The following MPHOSPH6 variants were observed in gnomAD, a reference collection of about 807,000 sequenced individuals.
The protein encoded by MPHOSPH6 is M-phase phosphoprotein 6.
Under a neutral mutation model 21.8 loss-of-function variants are expected in MPHOSPH6, and 25 were observed. That is an observed-to-expected ratio of 1.15 (90% CI 0.83 to 1.60). The LOEUF (loss-of-function observed/expected upper bound fraction) is 1.60. MPHOSPH6 is among the 40% of genes most tolerant of loss of function. The probability of loss-of-function intolerance (pLI) is 0.00; values close to 1 mark genes in which losing one functional copy is unlikely to be tolerated. For missense variants in MPHOSPH6, 269 were observed against 181.8 expected (o/e 1.48, Z -2.76); for synonymous variants, 84 against 56.5 (o/e 1.49, Z -2.18).
intron 1 of MPHOSPH6, 78 bp from the exon 2 acceptor site, chr16:82,164,272 CT>C (rs1334885423): frequency 1.1e-6 from 1 of 912,892 alleles, no homozygotes; most frequent in Non-Finnish European, 1.7e-6. Flanking sequence ...TTTTCTTCTT[CT>C]ACTTGTTCTC....
chr16:82,161,654 C>T (rs1321853113), intron 2 of MPHOSPH6, among the ~76,000 whole-genome samples: 1 of 152,166 alleles, frequency 6.6e-6, no homozygotes, highest in Non-Finnish European at 1.5e-5. Flanking sequence ...AGCAGATGCC[C>T]TTCTAGGAAA....
chr16:82,152,621 C>T (rs768937463), intron 2 of MPHOSPH6, among the ~76,000 whole-genome samples: 3 of 152,138 alleles, frequency 2.0e-5, no homozygotes, highest in African/African-American at 7.2e-5. Context: ...TGCACCAGAA[C>T]CAAAATCATG....
chr16:82,154,888 T>C (rs2142407873), intron 2 of MPHOSPH6, among the ~76,000 whole-genome samples: 1 of 152,316 alleles, frequency 6.6e-6, no homozygotes, highest in East Asian at 1.9e-4. Flanking sequence ...TTCCAACTCA[T>C]TTTATGGCCA....
At chr16:82,151,238 C>G (rs1906254387) in intron 3 of MPHOSPH6, 186 bp downstream of exon 3, 1 of 727,250 alleles carries the variant, frequency 1.4e-6, no homozygotes, top group Non-Finnish European at 2.2e-6. Context: ...ATCTACTCAC[C>G]TCTACCATAA....
intron 2 of MPHOSPH6, among the ~76,000 whole-genome samples, chr16:82,156,196 ATG>A (rs1394938733): frequency 2.0e-5 from 3 of 152,074 alleles, no homozygotes; most frequent in Admixed American, 6.5e-5. Context: ...CTATATATAT[ATG>A]TGGCAAAGAA....
intron 2 of MPHOSPH6, among the ~76,000 whole-genome samples, chr16:82,159,261 C>T (rs1906530283): frequency 6.6e-6 from 1 of 152,132 alleles, no homozygotes; most frequent in Admixed American, 6.5e-5. Flanking sequence ...TGCCACTCTT[C>T]TCGTTAAATT....
intron 2 of MPHOSPH6, among the ~76,000 whole-genome samples, chr16:82,151,762 T>A (rs1421940952): frequency 6.6e-6 from 1 of 152,242 alleles, no homozygotes; most frequent in Non-Finnish European, 1.5e-5. Context: ...CATAAATATC[T>A]ACATAATATA....
chr16:82,167,640 T>G (rs1190658034), intron 1 of MPHOSPH6: 1 of 156,296 alleles, frequency 6.4e-6, no homozygotes, highest in African/African-American at 2.4e-5. Context: ...AGGCATTAGA[T>G]TCTCGTAAGT....
At position 82,149,383 on chromosome 16, in the gene MPHOSPH6, A is replaced by T. The variant is rs777050308; in HGVS notation, c.276T>A (p.Asn92Lys). The T allele has an allele frequency of 6.2e-7, 1 of 1,612,428 alleles. No individual in the cohort carries two copies. The highest frequency in any genetic ancestry group is 1.3e-5 in the African/African-American group (1 of 74,948). The change falls in exon 4 of 5, where the codon AAT becomes AAA. Residue 92 changes from asparagine (N) to lysine (K), a missense_variant. Coordinates refer to ENST00000258169, the MANE Select transcript of MPHOSPH6 (RefSeq NM_005792.2). ...CAACTTCTTCTGCTTTGTGCTTAGC[A>T]TTCATCTGAAGCATCAATTTCTGAA... ...PEVEKLMLQM[N>K]AKHKAEEVED...
chr16:82,168,410 T>A lies in MPHOSPH6; in HGVS notation c.51+1715A>T, dbSNP rs78180079. ...TCCTCCACCCTCATTCACCCATTCA[T>A]CCCTAACTCCATCCTAGCTCAACTC... On this transcript the variant is annotated intron_variant, in intron 1 of 4. Transcript: ENST00000258169. Among the ~76,000 whole-genome samples the A allele has an allele frequency of 3.9e-3, 591 of 151,704 alleles. 5 individuals are homozygous for A. The highest frequency in any genetic ancestry group is 0.013 in the African/African-American group (554 of 41,334).
chr16:82,154,427 T>C (rs994312755), intron 2 of MPHOSPH6, among the ~76,000 whole-genome samples: 1 of 151,936 alleles, frequency 6.6e-6, no homozygotes, highest in Middle Eastern at 3.4e-3. Context: ...CAGCACACAA[T>C]AAAAAATTCC....
intron 2 of MPHOSPH6, among the ~76,000 whole-genome samples, chr16:82,162,783 T>A (rs1597164140): frequency 6.6e-6 from 1 of 152,174 alleles, no homozygotes; most frequent in East Asian, 1.9e-4. Flanking sequence ...GGATGCTGAG[T>A]AATGGCAAAA....
At chr16:82,169,979 G>C in intron 1 of MPHOSPH6, 146 bp downstream of exon 1, 1 of 928,086 alleles carries the variant, frequency 1.1e-6, no homozygotes. Flanking sequence ...TGCAGAGCAG[G>C]CGCTAAGTGA....
intron 3 of MPHOSPH6, among the ~76,000 whole-genome samples, chr16:82,149,998 T>C (rs1195769930): frequency 6.6e-6 from 1 of 150,580 alleles, no homozygotes; most frequent in East Asian, 2.0e-4. Context: ...CTTTTTGTGA[T>C]AATTATCCTC....
At chr16:82,167,007 T>C (rs1906803167) in intron 1 of MPHOSPH6, among the ~76,000 whole-genome samples, 1 of 152,162 alleles carries the variant, frequency 6.6e-6, no homozygotes, top group African/African-American at 2.4e-5. Context: ...CATAATACAG[T>C]CCTCAGGCTA....
At chr16:82,169,147 G>A (rs953392312) in intron 1 of MPHOSPH6, among the ~76,000 whole-genome samples, 3 of 152,058 alleles carry the variant, frequency 2.0e-5, no homozygotes, top group South Asian at 2.1e-4. Context: ...ACTGTTCCCC[G>A]TTTCAATAGC....
chr16:82,163,480 G>C (rs1313468708), intron 2 of MPHOSPH6, among the ~76,000 whole-genome samples: 16 of 152,146 alleles, frequency 1.1e-4, no homozygotes, highest in Non-Finnish European at 2.4e-4. Context: ...GGTGAAGCTG[G>C]GCAAGTTACC....
rs1906164230 is a variant in MPHOSPH6 at position 82,148,769 on chromosome 16, T to C, written c.445A>G (p.Ile149Val). 6.2e-6 allele frequency: 10 copies of C among 1,614,182 alleles called. No individual in the cohort carries two copies. The highest frequency in any genetic ancestry group is 1.7e-5 in the Admixed American group (1 of 60,020). ...EEDENGDITPIKAKKMFLKPQ... is the reference protein window; with the variant it reads ...EEDENGDITPVKAKKMFLKPQ... ...TTTAAGAACATCTTCTTTGCTTTAATTGGTGTTATGTCTCCATTTTCATCT... is the reference window on the plus strand; with the variant it reads ...TTTAAGAACATCTTCTTTGCTTTAACTGGTGTTATGTCTCCATTTTCATCT... Residue 149 changes from isoleucine to valine, a missense_variant, in exon 5 of 5, where the codon ATT becomes GTT. By Grantham distance (29) the Ile-to-Val change is conservative. Coordinates refer to ENST00000258169, the MANE Select transcript of MPHOSPH6 (RefSeq NM_005792.2).
chr16:82,165,144 T>TTTTTTTTTTTTTTTTTTTTTTTTG (rs1555540871), intron 1 of MPHOSPH6, among the ~76,000 whole-genome samples: 2 of 108,626 alleles, frequency 1.8e-5, no homozygotes, highest in Non-Finnish European at 1.9e-5. Flanking sequence ...TTTTTTTTTT[T>TTTTTTTTTTTTTTTTTTTTTTTTG]TGAGACAGAG....
Sources: gnomAD v4.1 joint callset for allele counts (sites outside exome capture counted in the v4.1 genomes callset) on GRCh38, gnomAD v4.1.1 for gene constraint, MANE v1.5 for transcripts, NCBI Gene and HGNC (gene_info 2026-07-23, HGNC 2026-07-21) for gene names.